The following SRGAP1 variants were observed in gnomAD, a reference collection of about 807,000 sequenced individuals.
SRGAP1 encodes the protein SLIT-ROBO Rho GTPase-activating protein 1.
A neutral mutation model predicts 121.9 loss-of-function variants in SRGAP1; 43 were observed. The observed-to-expected ratio is 0.35, with a 90% confidence interval of 0.28 to 0.46. The LOEUF (loss-of-function observed/expected upper bound fraction) is 0.46, where lower values mean the gene tolerates loss of function less well. SRGAP1 is among the 20% of genes least tolerant of loss of function. The pLI is 1.00. For synonymous variants in SRGAP1, 447 were observed against 485.4 expected, an observed-to-expected ratio of 0.92 and a Z score of 1.04; for missense variants, 1,102 against 1,350.9, an observed-to-expected ratio of 0.82 and a Z score of 2.89.
chr12:63,919,527 T>TATATATATATATATATATATAC (rs1238483459), intron 1 of SRGAP1, among the ~76,000 whole-genome samples: 7 of 146,374 alleles, frequency 4.8e-5, no homozygotes, highest in African/African-American at 1.9e-4. Context: ...TATATACACA[T>TATATATATATATATATATATAC]ACACACACAC....
chr12:64,142,229 G>T lies in SRGAP1; in HGVS notation c.2881-66G>T, dbSNP rs789738. The T allele has an allele frequency of 1.9e-3, 2,896 of 1,532,360 alleles. 49 individuals are homozygous for T. In the African/African-American group the frequency reaches 0.036, roughly 19 times the overall value. The allele number at this position is 1,532,360 out of a possible 1,614,324, so 94.9% of individuals were successfully genotyped here. On this transcript the variant is annotated intron_variant, in intron 21 of 21. Coordinates refer to ENST00000355086, the MANE Select transcript of SRGAP1 (RefSeq NM_020762.4). ...CCGTTTACTTTGAAATTAAGTGTCT[G>T]GGTTTCTATACATTAGTATTCATTA...
intron 1 of SRGAP1, among the ~76,000 whole-genome samples, chr12:63,965,762 A>G (rs1275517151): frequency 6.6e-6 from 1 of 152,140 alleles, no homozygotes; most frequent in East Asian, 1.9e-4. Flanking sequence ...TACTTTTCCA[A>G]TTTTCTACAA....
intron 6 of SRGAP1, among the ~76,000 whole-genome samples, chr12:64,051,012 C>G (rs1289265269): frequency 1.3e-5 from 2 of 152,218 alleles, no homozygotes; most frequent in Admixed American, 6.5e-5. Flanking sequence ...GCTTGAGCCA[C>G]TGTGCCCAGC....
intron 1 of SRGAP1, among the ~76,000 whole-genome samples, chr12:63,960,438 C>G (rs879334837): frequency 6.6e-6 from 1 of 152,050 alleles, no homozygotes; most frequent in Admixed American, 6.6e-5. Context: ...TCCTCTACCC[C>G]CAGTCTGACC....
intron 18 of SRGAP1, among the ~76,000 whole-genome samples, chr12:64,120,085 C>A (rs1044833860): frequency 7.9e-5 from 12 of 152,034 alleles, no homozygotes; most frequent in African/African-American, 2.9e-4. Context: ...AATATTATTT[C>A]TTTCTACAAG....
intron 6 of SRGAP1, among the ~76,000 whole-genome samples, chr12:64,050,339 T>A (rs1565657096): frequency 6.6e-6 from 1 of 152,222 alleles, no homozygotes; most frequent in Admixed American, 6.5e-5. Flanking sequence ...TGACTTTTTC[T>A]TTCCCAATTT....
chr12:63,863,692 TAA>T (rs1899531634), intron 1 of SRGAP1, among the ~76,000 whole-genome samples: 2 of 152,248 alleles, frequency 1.3e-5, no homozygotes, highest in South Asian at 4.1e-4. Flanking sequence ...GTTCTAGAGC[TAA>T]GTTTTAATTA....
chr12:63,972,787 A>G (rs1368813737), intron 1 of SRGAP1, among the ~76,000 whole-genome samples: 1 of 152,218 alleles, frequency 6.6e-6, no homozygotes, highest in Non-Finnish European at 1.5e-5. Context: ...ATACTAGGAA[A>G]TTAGTTTTAG....
At chr12:63,865,766 C>T (rs917076057) in intron 1 of SRGAP1, among the ~76,000 whole-genome samples, 1 of 152,116 alleles carries the variant, frequency 6.6e-6, no homozygotes, top group Admixed American at 6.5e-5. Context: ...TTGCAGTTTT[C>T]GGTGCATCTC....
chr12:63,889,671 A>ATC lies in SRGAP1; in HGVS notation c.67+44788_67+44789insTC, dbSNP rs1467448532. 1.4e-3 allele frequency among the ~76,000 whole-genome samples: 214 copies of ATC among 152,268 alleles called. 1 individual carries two copies. Among genetic ancestry groups the ATC allele is most frequent in the African/African-American group, 4.9e-3 (205 of 41,552 alleles). The stretch of plus-strand genomic sequence containing the variant: ...ACGCCTGTAATCCCAGCACTTTGGG[A>ATC]GGCCAAGGCAGGCAGATCATGAGGG... On this transcript the variant is annotated intron_variant, in intron 1 of 21. Transcript: ENST00000355086.
At chr12:64,104,289 A>G (rs2036304928) in intron 15 of SRGAP1, among the ~76,000 whole-genome samples, 1 of 152,198 alleles carries the variant, frequency 6.6e-6, no homozygotes, top group African/African-American at 2.4e-5. Context: ...GGAAAAAAAC[A>G]TATATTAGCC....
In SRGAP1 at chr12:64,121,007, C is replaced by CTT. The variant is rs35809572; in HGVS notation, c.2225-4952_2225-4951dup. On this transcript the variant is annotated intron_variant, in intron 18 of 21. Transcript: ENST00000355086. ...GCTAAAAAAGAAAGCTTCTTTGTGTCTTTTTTTTTTTTTTTTTTTCTGTGA... is the reference window on the plus strand; with the variant it reads ...GCTAAAAAAGAAAGCTTCTTTGTGTCTTTTTTTTTTTTTTTTTTTTTCTGTGA... Among the ~76,000 whole-genome samples the CTT allele has an allele frequency of 6.6e-4, 77 of 115,996 alleles. No individual in the cohort carries two copies. The South Asian group carries it at 9.6e-3, about 14-fold the overall frequency. 76.1% of individuals were successfully genotyped at this position (115,996 alleles called of 152,430 possible).
chr12:63,947,622 T>C (rs1436488718), intron 1 of SRGAP1, among the ~76,000 whole-genome samples: 1 of 146,506 alleles, frequency 6.8e-6, no homozygotes, highest in Non-Finnish European at 1.5e-5. Context: ...TAGATTCTTT[T>C]CTGCTGCATT....
chr12:64,082,360 C>T (rs954178782), intron 10 of SRGAP1, among the ~76,000 whole-genome samples: 1 of 152,052 alleles, frequency 6.6e-6, no homozygotes, highest in Non-Finnish European at 1.5e-5. Context: ...TATATTCTAG[C>T]CAATTTATTG....
chr12:64,056,371 A>T (rs1057325614), intron 6 of SRGAP1, among the ~76,000 whole-genome samples: 2 of 151,984 alleles, frequency 1.3e-5, no homozygotes, highest in Non-Finnish European at 2.9e-5. Flanking sequence ...TGGCCAACAT[A>T]GCAAAACCCC....
intron 1 of SRGAP1, among the ~76,000 whole-genome samples, chr12:63,875,320 C>A (rs1899995234): frequency 6.6e-6 from 1 of 152,062 alleles, no homozygotes; most frequent in Non-Finnish European, 1.5e-5. Context: ...CCTCAAAGAT[C>A]AGGTTTCTAA....
At chr12:64,113,654 A>G (rs1046667312) in intron 17 of SRGAP1, among the ~76,000 whole-genome samples, 1 of 152,224 alleles carries the variant, frequency 6.6e-6, no homozygotes, top group African/African-American at 2.4e-5. Flanking sequence ...CAATTAAAAA[A>G]TAGCAAAGAA....
intron 3 of SRGAP1, among the ~76,000 whole-genome samples, chr12:64,000,715 A>AG (rs915907918): frequency 5.9e-5 from 9 of 152,354 alleles, no homozygotes; most frequent in Non-Finnish European, 1.3e-4. Flanking sequence ...GACTCTGCCA[A>AG]GGGGGCAGGT....
At chr12:63,936,455 G>A (rs1324685578) in intron 1 of SRGAP1, among the ~76,000 whole-genome samples, 1 of 152,142 alleles carries the variant, frequency 6.6e-6, no homozygotes, top group African/African-American at 2.4e-5. Context: ...CTATGGGACG[G>A]CAAGGGGACA....
Sources: allele counts gnomAD v4.1 joint callset (sites outside exome capture counted in the v4.1 genomes callset), GRCh38; gene constraint gnomAD v4.1.1; transcripts MANE v1.5; gene names NCBI Gene and HGNC (gene_info 2026-07-23, HGNC 2026-07-21).